The following SIPA1L1 variants were observed in gnomAD, a reference collection of about 807,000 sequenced individuals.
SIPA1L1 encodes the protein signal induced proliferation associated 1 like 1.
A neutral mutation model predicts 162.7 loss-of-function variants in SIPA1L1; 26 were observed. The ratio of observed to expected loss-of-function variants is 0.16; its 90% CI spans 0.12 to 0.22. SIPA1L1 has a LOEUF of 0.22. SIPA1L1 is among the 10% of genes least tolerant of loss of function. The pLI is 1.00. For missense variants in SIPA1L1, 1,874 were observed against 2,241.0 expected, an observed-to-expected ratio of 0.84 and a Z score of 3.31; for synonymous variants, 829 against 837.4, an observed-to-expected ratio of 0.99 and a Z score of 0.17.
In SIPA1L1 at chr14:71,730,213, C is replaced by T. The variant is rs139713150; in HGVS notation, c.4773C>T (p.Asp1591=). Residue 1591 remains aspartate (D), a synonymous_variant, in exon 20 of 24, where the codon GAC becomes GAT. Coordinates refer to ENST00000381232, the MANE Select transcript of SIPA1L1 (RefSeq NM_001386936.1). ...TTCTGGACCAAGCCCTGCCCAACGA[C>T]GTCCTCTTCAGTAGCACGTACCCTT... ...ASLLDQALPN[D]VLFSSTYPSL... 2.0e-5 allele frequency: 33 copies of T among 1,614,174 alleles called. No individual in the cohort carries two copies. The highest frequency in any genetic ancestry group is 2.5e-5 in the Non-Finnish European group (29 of 1,180,040).
intron 5 of SIPA1L1, among the ~76,000 whole-genome samples, chr14:71,590,038 AAAAAAAATATATATATATATATAT>A (rs2035130783): frequency 1.5e-5 from 1 of 68,114 alleles, no homozygotes; most frequent in South Asian, 5.4e-4. Flanking sequence ...AAAAAAAAAA[AAAAAAAATATATATATATATATAT>A]ATATATATAT....
chr14:71,411,981 A>C (rs2042438569), intron 2 of SIPA1L1, among the ~76,000 whole-genome samples: 1 of 152,168 alleles, frequency 6.6e-6, no homozygotes, highest in Non-Finnish European at 1.5e-5. Flanking sequence ...ATGTTTATTC[A>C]TGTTCCTAAG....
At chr14:71,538,847 CAA>C (rs750479878) in intron 4 of SIPA1L1, among the ~76,000 whole-genome samples, 13 of 152,146 alleles carry the variant, frequency 8.5e-5, no homozygotes, top group Non-Finnish European at 1.5e-4. Context: ...GAGAAAGAAA[CAA>C]AGAAAATCTG....
chr14:71,346,428 A>G (rs1384717056), intron 2 of SIPA1L1, among the ~76,000 whole-genome samples: 2 of 152,188 alleles, frequency 1.3e-5, no homozygotes, highest in African/African-American at 4.8e-5. Flanking sequence ...TTTCATCCTG[A>G]TGGAAGTTGT....
chr14:71,604,079 C>G (rs1175127266), intron 5 of SIPA1L1, among the ~76,000 whole-genome samples: 3 of 149,354 alleles, frequency 2.0e-5, no homozygotes, highest in East Asian at 4.0e-4. Flanking sequence ...TAACTGCAAC[C>G]TCTTGCCTCC....
intron 12 of SIPA1L1, among the ~76,000 whole-genome samples, chr14:71,680,205 A>G (rs1262297768): frequency 6.6e-6 from 1 of 152,230 alleles, no homozygotes; most frequent in Non-Finnish European, 1.5e-5. Context: ...ATGTAAAACA[A>G]CAGAAATTGT....
At chr14:71,533,567 T>C (rs1332645957) in intron 4 of SIPA1L1, among the ~76,000 whole-genome samples, 1 of 152,204 alleles carries the variant, frequency 6.6e-6, no homozygotes, top group African/African-American at 2.4e-5. Context: ...TGGCAGTAAG[T>C]AGAAGAAAGC....
intron 5 of SIPA1L1, among the ~76,000 whole-genome samples, chr14:71,618,447 A>T (rs1012981982): frequency 6.6e-6 from 1 of 152,352 alleles, no homozygotes; most frequent in South Asian, 2.1e-4. Flanking sequence ...AGTGTGCACA[A>T]ATGTAGCCTA....
At chr14:71,737,100 T>C (rs2085365546) in intron 22 of SIPA1L1, among the ~76,000 whole-genome samples, 1 of 152,158 alleles carries the variant, frequency 6.6e-6, no homozygotes, top group African/African-American at 2.4e-5. Flanking sequence ...AGCTTTTCAT[T>C]GGCCTTCCTG....
chr14:71,542,749 CTT>C (rs59235396), intron 4 of SIPA1L1, among the ~76,000 whole-genome samples: 7 of 124,028 alleles, frequency 5.6e-5, no homozygotes, highest in Non-Finnish European at 1.2e-4. Flanking sequence ...CTCTCTCTCT[CTT>C]TTTTTTTTTT....
At chr14:71,608,341 A>G (rs1040974443) in intron 5 of SIPA1L1, among the ~76,000 whole-genome samples, 2 of 152,194 alleles carry the variant, frequency 1.3e-5, no homozygotes, top group African/African-American at 2.4e-5. Flanking sequence ...ATCCTTCAAT[A>G]GCCTTTTCCA....
chr14:71,459,620 C>T (rs1207766717), intron 2 of SIPA1L1, among the ~76,000 whole-genome samples: 2 of 152,166 alleles, frequency 1.3e-5, no homozygotes, highest in Non-Finnish European at 2.9e-5. Flanking sequence ...AAGCGTCCAG[C>T]ATGGGAAAGA....
chr14:71,573,500 A>G (rs914992282), intron 4 of SIPA1L1: 1 of 450,184 alleles, frequency 2.2e-6, no homozygotes. Flanking sequence ...ATGTGGAGAA[A>G]GTTTGGGACC....
Position 71,624,219 on chromosome 14 carries a change from A to C in SIPA1L1, c.1801A>C (p.Lys601Gln), listed in dbSNP as rs1274257841. Residue 601 changes from lysine (K) to glutamine (Q), a missense_variant, in exon 7 of 24, where the codon AAA becomes CAA. Lys to Gln is a moderately conservative substitution (Grantham distance 53, BLOSUM62 1). Transcript: ENST00000381232. ...NTPKVTEQLM[K>Q]LDEQGLNYQQ... is the part of the protein sequence containing the mutation. ...ACCCAAGGTCACAGAGCAGCTCATGAAACTGGATGAACAAGGGGTGAGTTT... is the reference window on the plus strand; with the variant it reads ...ACCCAAGGTCACAGAGCAGCTCATGCAACTGGATGAACAAGGGGTGAGTTT... 6.2e-7 allele frequency: 1 copy of C among 1,611,630 alleles called. No individual in the cohort carries two copies. Among genetic ancestry groups the C allele is most frequent in the South Asian group, 1.1e-5 (1 of 90,874 alleles).
intron 5 of SIPA1L1, among the ~76,000 whole-genome samples, chr14:71,612,977 A>G (rs889966405): frequency 6.6e-6 from 1 of 152,208 alleles, no homozygotes; most frequent in Non-Finnish European, 1.5e-5. Flanking sequence ...AACTAATAAG[A>G]AAACTTCACA....
At position 71,702,402 on chromosome 14, in the gene SIPA1L1, C is replaced by T. The variant is rs755728199; in HGVS notation, c.3543C>T (p.Ser1181=). ...MPEGFGVSRR[S]PASIDRQNTQ... ...ACAGGTTTGGAGTGAGCCGTAGATC[C>T]CCAGCCTCCATTGACAGGCAGAACA... The change falls in exon 15 of 24, where the codon TCC becomes TCT. Residue 1181 remains serine (S), a synonymous_variant. Transcript: ENST00000381232. 6.2e-7 allele frequency: 1 copy of T among 1,614,092 alleles called. No homozygotes were observed. The highest frequency in any genetic ancestry group is 1.1e-5 in the South Asian group (1 of 91,066).
At chr14:71,440,646 CAAAAAAAAA>C (rs397853535) in intron 2 of SIPA1L1, among the ~76,000 whole-genome samples, 22 of 55,686 alleles carry the variant, frequency 4.0e-4, no homozygotes, top group Non-Finnish European at 4.7e-4. Flanking sequence ...GAACCCATCT[CAAAAAAAAA>C]AAAAAAAAAA....
At chr14:71,531,535 A>G (rs906317352) in intron 4 of SIPA1L1, among the ~76,000 whole-genome samples, 1 of 151,710 alleles carries the variant, frequency 6.6e-6, no homozygotes, top group Non-Finnish European at 1.5e-5. Flanking sequence ...TGTGAAATGT[A>G]TCTTTTTTTT....
intron 6 of SIPA1L1, among the ~76,000 whole-genome samples, chr14:71,622,175 G>C (rs1042312145): frequency 6.6e-6 from 1 of 152,192 alleles, no homozygotes; most frequent in Non-Finnish European, 1.5e-5. Context: ...GTAAGCGGCA[G>C]CAAGATAACA....
Sources: gnomAD v4.1 joint callset for allele counts (sites outside exome capture counted in the v4.1 genomes callset) on GRCh38, gnomAD v4.1.1 for gene constraint, MANE v1.5 for transcripts, NCBI Gene and HGNC (gene_info 2026-07-23, HGNC 2026-07-21) for gene names.